PAK1: variants seen among roughly 807,000 people sequenced by gnomAD.
The protein encoded by PAK1 is p21 (RAC1) activated kinase 1.
In PAK1, 29 loss-of-function variants were observed where a neutral mutation model predicts 67.4. The ratio of observed to expected loss-of-function variants is 0.43; its 90% CI spans 0.32 to 0.59. The LOEUF (loss-of-function observed/expected upper bound fraction) is 0.59, where lower values mean the gene tolerates loss of function less well. Ranked by LOEUF, PAK1 falls within the 20% of genes least tolerant of loss-of-function variation. The pLI is 0.07. For missense variants in PAK1, 337 were observed against 670.7 expected (o/e 0.50, Z 5.50); for synonymous variants, 223 against 237.4 (o/e 0.94, Z 0.56).
At chr11:77,341,965 A>C (rs1034355036) in intron 10 of PAK1, among the ~76,000 whole-genome samples, 3 of 152,214 alleles carry the variant, frequency 2.0e-5, no homozygotes, top group African/African-American at 7.2e-5. Flanking sequence ...ATCTCTTTTG[A>C]GAGAGAAGAC....
the PAK1 span, among the ~76,000 whole-genome samples, chr11:77,490,889 G>A: frequency 2.0e-5 from 3 of 152,268 alleles, no homozygotes; most frequent in South Asian, 6.2e-4. Flanking sequence ...TGGATTAAGG[G>A]TGGTGCAAGA....
intron 2 of PAK1, among the ~76,000 whole-genome samples, chr11:77,387,504 T>G (rs1950602667): frequency 6.6e-6 from 1 of 152,228 alleles, no homozygotes; most frequent in African/African-American, 2.4e-5. Context: ...CTCTCCCACT[T>G]TCCACTTGTG....
intron 2 of PAK1, among the ~76,000 whole-genome samples, chr11:77,385,629 G>A (rs1318457005): frequency 6.6e-6 from 1 of 152,172 alleles, no homozygotes; most frequent in African/African-American, 2.4e-5. Flanking sequence ...GCCGTGGCGG[G>A]TGAATCACCT....
At chr11:77,364,317 A>G (rs1196237446) in intron 5 of PAK1, among the ~76,000 whole-genome samples, 1 of 152,250 alleles carries the variant, frequency 6.6e-6, no homozygotes, top group Non-Finnish European at 1.5e-5. Context: ...AGAGGAAAGA[A>G]GCCTTACAGA....
chr11:77,517,654 G>A, the PAK1 span, among the ~76,000 whole-genome samples: 1 of 152,112 alleles, frequency 6.6e-6, no homozygotes, highest in Non-Finnish European at 1.5e-5. Flanking sequence ...TAATGTACAA[G>A]TGCATTATAT....
At chr11:77,400,778 GA>G (rs1474587430) in intron 1 of PAK1, among the ~76,000 whole-genome samples, 6 of 152,328 alleles carry the variant, frequency 3.9e-5, no homozygotes, top group South Asian at 2.1e-4. Flanking sequence ...TGAAAACTTG[GA>G]AATCTATTTG....
At chr11:77,330,189 C>G (rs906151207) in intron 14 of PAK1, among the ~76,000 whole-genome samples, 3 of 152,110 alleles carry the variant, frequency 2.0e-5, no homozygotes, top group African/African-American at 7.2e-5. Context: ...GAATCAATAT[C>G]GTGAAAATGG....
chr11:77,498,647 G>A, the PAK1 span, among the ~76,000 whole-genome samples: 1 of 146,696 alleles, frequency 6.8e-6, no homozygotes, highest in Admixed American at 6.8e-5. Context: ...TTTGTTAAAT[G>A]AATGCCCGAA....
At chr11:77,417,297 A>G (rs1367097097) in intron 1 of PAK1, among the ~76,000 whole-genome samples, 2 of 152,206 alleles carry the variant, frequency 1.3e-5, no homozygotes, top group African/African-American at 4.8e-5. Flanking sequence ...ATTATTCAGT[A>G]AAAAAAGAAA....
chr11:77,430,231 TAAC>T (rs1036539342), intron 1 of PAK1, among the ~76,000 whole-genome samples: 5 of 152,008 alleles, frequency 3.3e-5, no homozygotes, highest in African/African-American at 9.7e-5. Flanking sequence ...AAAAAGAAGA[TAAC>T]AAATCTTCAA....
At chr11:77,525,271 C>G in the PAK1 span, among the ~76,000 whole-genome samples, 1 of 151,800 alleles carries the variant, frequency 6.6e-6, no homozygotes, top group Non-Finnish European at 1.5e-5. Context: ...TCACTTGAGC[C>G]CTGGAGGCGG....
At chr11:77,396,224 T>C (rs565817635) in intron 1 of PAK1, among the ~76,000 whole-genome samples, 1 of 152,362 alleles carries the variant, frequency 6.6e-6, no homozygotes, top group South Asian at 2.1e-4. Context: ...AAAATAAGCA[T>C]TGGAATCTAA....
intron 1 of PAK1, among the ~76,000 whole-genome samples, chr11:77,395,382 T>C (rs1355870935): frequency 6.6e-6 from 1 of 152,220 alleles, no homozygotes; most frequent in Non-Finnish European, 1.5e-5. Context: ...TAGCTCATAG[T>C]GAACTCAAAT....
chr11:77,328,548 T>C (rs1940628353), intron 14 of PAK1, among the ~76,000 whole-genome samples: 1 of 152,140 alleles, frequency 6.6e-6, no homozygotes, highest in South Asian at 2.1e-4. Flanking sequence ...GGGTAAATAA[T>C]GAAATGAAGG....
chr11:77,435,657 C>CTT (rs35603502), intron 1 of PAK1, among the ~76,000 whole-genome samples: 3,926 of 68,522 alleles, frequency 0.057, 399 homozygotes, highest in African/African-American at 0.14. Flanking sequence ...CTACACCTGG[C>CTT]TTTTTTTTTT....
the PAK1 span, among the ~76,000 whole-genome samples, chr11:77,491,233 A>G: frequency 6.6e-6 from 1 of 152,186 alleles, no homozygotes; most frequent in Non-Finnish European, 1.5e-5. Flanking sequence ...TGGTAACAGT[A>G]AGTACACAGA....
At chr11:77,334,734 A>G (rs1214460987) in intron 13 of PAK1, among the ~76,000 whole-genome samples, 1 of 152,152 alleles carries the variant, frequency 6.6e-6, no homozygotes, top group Non-Finnish European at 1.5e-5. Context: ...TCCCATTAGC[A>G]CACAGACATC....
At chr11:77,450,446 G>A (rs889296275) in intron 1 of PAK1, among the ~76,000 whole-genome samples, 5 of 152,120 alleles carry the variant, frequency 3.3e-5, no homozygotes, top group African/African-American at 9.7e-5. Flanking sequence ...AGGGAAGTAG[G>A]CAGCAGAGCA....
chr11:77,495,864 G>C, the PAK1 span, among the ~76,000 whole-genome samples: 1 of 152,158 alleles, frequency 6.6e-6, no homozygotes, highest in Non-Finnish European at 1.5e-5. Flanking sequence ...AAAGTACAAC[G>C]GTGGTTGCCA....
Sources: allele counts gnomAD v4.1 joint callset (sites outside exome capture counted in the v4.1 genomes callset), GRCh38; gene constraint gnomAD v4.1.1; transcripts MANE v1.5; gene names NCBI Gene and HGNC (gene_info 2026-07-23, HGNC 2026-07-21).